Variants in B4GALNT3 observed in about 807,000 individuals in gnomAD.
B4GALNT3 encodes the protein beta-1,4-N-acetylgalactosaminyltransferase 3.
Under a neutral mutation model 120.2 loss-of-function variants are expected in B4GALNT3, and 86 were observed. The observed-to-expected ratio is 0.72, with a 90% CI of 0.60 to 0.86. B4GALNT3 has a LOEUF of 0.86. B4GALNT3 is among the 40% of genes least tolerant of loss of function. The pLI is 0.00. For synonymous variants in B4GALNT3, 518 were observed against 510.4 expected (o/e 1.01, Z -0.20); for missense variants, 1,167 against 1,298.9 (o/e 0.90, Z 1.56).
At chr12:478,566 G>A (rs763725058) in intron 1 of B4GALNT3, among the ~76,000 whole-genome samples, 5 of 152,192 alleles carry the variant, frequency 3.3e-5, no homozygotes, top group African/African-American at 9.6e-5. Context: ...GGGAAGTTCA[G>A]TTTCTGGGAT....
chr12:507,387 T>G (rs1946508476), intron 1 of B4GALNT3, among the ~76,000 whole-genome samples: 1 of 152,220 alleles, frequency 6.6e-6, no homozygotes, highest in Admixed American at 6.5e-5. Flanking sequence ...TACACTGCCC[T>G]TGGCACAGAG....
At chr12:544,150 T>C (rs920721893) in intron 3 of B4GALNT3, among the ~76,000 whole-genome samples, 189 bp from the exon 4 acceptor site, 1 of 132,332 alleles carries the variant, frequency 7.6e-6, no homozygotes, top group Non-Finnish European at 1.7e-5. Context: ...CTCCTGGAGC[T>C]GAGGATCTGG....
Position 553,705 on chromosome 12 carries a change from G to A in B4GALNT3, c.1782G>A (p.Val594=). ...GRGWHGEEEV[V]AAAGQEGQVE... ...GCTGGCATGGGGAGGAGGAAGTGGT[G>A]GCGGCCGCAGGCCAGGAAGGACAAG... Residue 594 remains valine, a synonymous_variant, in exon 14 of 20, where the codon GTG becomes GTA. Coordinates refer to ENST00000266383, the MANE Select transcript of B4GALNT3 (RefSeq NM_173593.4). 2.5e-6 allele frequency: 4 copies of A among 1,613,776 alleles called. No individual in the cohort carries two copies. Among genetic ancestry groups the A allele is most frequent in the Non-Finnish European group, 1.7e-6 (2 of 1,179,680 alleles).
At chr12:463,821 T>C (rs1946049967) in intron 1 of B4GALNT3, among the ~76,000 whole-genome samples, 1 of 152,230 alleles carries the variant, frequency 6.6e-6, no homozygotes, top group African/African-American at 2.4e-5. Flanking sequence ...TTGAGAATAC[T>C]GAGCAGCTGA....
chr12:560,513 T>C (rs2120753299), intron 19 of B4GALNT3, among the ~76,000 whole-genome samples: 2 of 152,092 alleles, frequency 1.3e-5, no homozygotes, highest in Middle Eastern at 6.8e-3. Context: ...GAAAACTAGG[T>C]CTATTGGTGT....
intron 1 of B4GALNT3, among the ~76,000 whole-genome samples, chr12:517,868 G>A (rs903202516): frequency 1.3e-5 from 2 of 152,190 alleles, no homozygotes; most frequent in Non-Finnish European, 2.9e-5. Context: ...CACCAGTGGG[G>A]CTCCACAATA....
intron 9 of B4GALNT3, among the ~76,000 whole-genome samples, chr12:549,424 C>A (rs1167838760): frequency 6.6e-6 from 1 of 152,228 alleles, no homozygotes; most frequent in Non-Finnish European, 1.5e-5. Context: ...TAGAGCAGGG[C>A]CTGGCTTATT....
At chr12:496,203 T>C (rs541516233) in intron 1 of B4GALNT3, among the ~76,000 whole-genome samples, 11 of 152,180 alleles carry the variant, frequency 7.2e-5, no homozygotes, top group Non-Finnish European at 1.6e-4. Flanking sequence ...TCTCTAGCTC[T>C]CACTTTTCTT....
intron 1 of B4GALNT3, among the ~76,000 whole-genome samples, chr12:480,296 T>C (rs1384296087): frequency 1.3e-5 from 2 of 152,174 alleles, no homozygotes; most frequent in African/African-American, 4.8e-5. Context: ...ATGGTTAGGG[T>C]AAGAATACTC....
chr12:537,902 T>A (rs1410999643), intron 3 of B4GALNT3, among the ~76,000 whole-genome samples: 2 of 152,194 alleles, frequency 1.3e-5, no homozygotes, highest in African/African-American at 4.8e-5. Flanking sequence ...AGTATTGTAC[T>A]GAATGTGACG....
At position 553,560 on chromosome 12, in the gene B4GALNT3, G is replaced by A. The variant is rs1435546669; in HGVS notation, c.1637G>A (p.Gly546Glu). 1.2e-6 allele frequency: 2 copies of A among 1,613,900 alleles called. No individual in the cohort carries two copies. Among genetic ancestry groups the A allele is most frequent in the African/African-American group, 2.7e-5 (2 of 75,074 alleles). Residue 546 changes from glycine (G) to glutamate (E), a missense_variant, in exon 14 of 20, where the codon GGG becomes GAG. Transcript: ENST00000266383. The stretch of plus-strand genomic sequence containing the variant: ...GTGAAGAACCTGCCTCAGATGAGGG[G>A]GCCCAGGCCCAGGCCCGCTGGTGAC... Reference protein sequence around the residue: ...HPVKNLPQMRGPRPRPAGDSP... With the variant: ...HPVKNLPQMREPRPRPAGDSP...
intron 6 of B4GALNT3, 147 bp from the exon 7 acceptor site, chr12:546,499 C>T: frequency 2.7e-6 from 2 of 749,452 alleles, no homozygotes; most frequent in East Asian, 5.5e-5. Context: ...CTTCTGTTTT[C>T]TCTCCTACCT....
In B4GALNT3 at chr12:460,388, C is replaced by G; in HGVS notation, c.12C>G (p.Pro4=). 6.8e-7 allele frequency: 1 copy of G among 1,466,964 alleles called. No homozygotes were observed. Among genetic ancestry groups the G allele is most frequent in the Non-Finnish European group, 9.0e-7 (1 of 1,110,086 alleles). The allele number at this position is 1,466,964 out of a possible 1,614,324, so 90.9% of individuals were successfully genotyped here. A position where few individuals can be genotyped will look rare whatever the true frequency, so the allele number is the denominator to read the frequency against. MGS[P]RAARPPLLLR... is the part of the protein sequence containing the mutation. ...CTCGGCGCAGCGCCATGGGGAGCCCCCGGGCCGCGCGGCCCCCGCTGCTCC... is the reference window on the plus strand; with the variant it reads ...CTCGGCGCAGCGCCATGGGGAGCCCGCGGGCCGCGCGGCCCCCGCTGCTCC... Residue 4 remains proline, a synonymous_variant, in exon 1 of 20, where the codon CCC becomes CCG. Coordinates refer to ENST00000266383, the MANE Select transcript of B4GALNT3 (RefSeq NM_173593.4). This position sits in a 1 kb window ranked among gnomAD's most constrained non-coding sequence, Gnocchi z 8.0.
At chr12:529,339 G>A (rs1312386895) in intron 1 of B4GALNT3, among the ~76,000 whole-genome samples, 2 of 152,182 alleles carry the variant, frequency 1.3e-5, no homozygotes, top group Non-Finnish European at 2.9e-5. Context: ...TGGGGTCGGG[G>A]TTAACCCTTT....
chr12:559,353 G>T lies in B4GALNT3; in HGVS notation c.2820G>T (p.Arg940Ser). 2 of 1,614,080 alleles carry T rather than the reference G, an allele frequency of 1.2e-6. No homozygotes were observed. The highest frequency in any genetic ancestry group is 3.3e-5 in the Admixed American group (2 of 60,016). Residue 940 changes from arginine to serine, a missense_variant, in exon 19 of 20, where the codon AGG (arginine) becomes AGT (serine). Arg to Ser is a moderately radical substitution (Grantham distance 110). This residue lies in a region of B4GALNT3 where 983 missense variants were observed against 1,102.5 expected (regional missense o/e 0.89). Transcript: ENST00000266383. The stretch of plus-strand genomic sequence containing the variant: ...GCATCTACAAGTCTGACCTGGACAG[G>T]ATTGGGGGCATGAACACCAAGGAGT... ...LLGIYKSDLD[R>S]IGGMNTKEFR...
intron 13 of B4GALNT3, 102 bp downstream of exon 13, chr12:552,630 T>C: frequency 8.7e-7 from 1 of 1,154,182 alleles, no homozygotes; most frequent in East Asian, 2.5e-5. Context: ...CCTGAGGAGC[T>C]CAAGATCCAA....
intron 1 of B4GALNT3, among the ~76,000 whole-genome samples, chr12:511,690 TCTGTCTTCCACCTTC>T (rs1946566126): frequency 3.1e-5 from 1 of 32,770 alleles, no homozygotes; most frequent in Non-Finnish European, 5.4e-5. Context: ...CCTTCCACCT[TCTGTCTTCCACCTTC>T]CTTCCACCTT....
rs377572361 is a variant in B4GALNT3 at position 556,575 on chromosome 12, G to A, written c.2089G>A (p.Val697Met). 30 of 1,613,682 alleles carry A rather than the reference G, an allele frequency of 1.9e-5. No individual in the cohort carries two copies. The highest frequency in any genetic ancestry group is 2.7e-5 in the African/African-American group (2 of 74,934). ...GTACCAGCTACAGCGCATTGTGAAC[G>A]TGGAAAAGCGTCAGGACCAGCTACG... ...GRYQLQRIVN[V>M]EKRQDQLRGG... Residue 697 changes from valine (V) to methionine (M), a missense_variant, in exon 15 of 20, where the codon GTG (valine) becomes ATG (methionine). Transcript: ENST00000266383.
At chr12:492,035 G>C (rs1419502284) in intron 1 of B4GALNT3, among the ~76,000 whole-genome samples, 1 of 143,284 alleles carries the variant, frequency 7.0e-6, no homozygotes, top group Non-Finnish European at 1.5e-5. Flanking sequence ...TCCAGTTTGG[G>C]CACCAGAACG....
Sources: gnomAD v4.1 joint callset for allele counts (sites outside exome capture counted in the v4.1 genomes callset) on GRCh38, gnomAD v4.1.1 for gene constraint, gnomAD v4.1.1 regional missense constraint, Gnocchi (gnomAD v3.1) non-coding constraint, MANE v1.5 for transcripts, NCBI Gene and HGNC (gene_info 2026-07-23, HGNC 2026-07-21) for gene names.